The following MSI1 variants were observed in gnomAD, a reference collection of about 807,000 sequenced individuals.
MSI1 encodes musashi RNA binding protein 1.
MSI1 carries 15 observed loss-of-function variants against 54.4 expected under a neutral mutation model. That is an observed-to-expected ratio of 0.28 (90% CI 0.18 to 0.42). MSI1 has a LOEUF of 0.42. Ranked by LOEUF, MSI1 falls within the 20% of genes least tolerant of loss-of-function variation. The pLI is 1.00. For missense variants in MSI1, 304 were observed against 506.0 expected (o/e 0.60, Z 3.83); for synonymous variants, 200 against 196.5 (o/e 1.02, Z -0.15).
rs1020573942 is a variant in MSI1, at chr12:120,368,326, C to A, written c.101-53G>T. ...AGCCCGGGCCCCGCGCCCTTCCCCC[C>A]CCCCCGTCCTTTGCCCCCGGTGACC... On this transcript the variant is annotated intron_variant, in intron 2 of 14. Transcript: ENST00000257552. The surrounding 1 kb of genome is among the most constrained non-coding windows in gnomAD (Gnocchi z 6.6). The A allele has an allele frequency of 2.4e-5, 36 of 1,522,504 alleles. No individual in the cohort carries two copies. The highest frequency in any genetic ancestry group is 3.1e-5 in the Non-Finnish European group (35 of 1,134,036). The allele number at this position is 1,522,504 out of a possible 1,614,324, so 94.3% of individuals were successfully genotyped here.
At chr12:120,347,716 G>C (rs186990830) in intron 11 of MSI1, among the ~76,000 whole-genome samples, 1 of 152,336 alleles carries the variant, frequency 6.6e-6, no homozygotes, top group Non-Finnish European at 1.5e-5. Flanking sequence ...AAAGGTGGGA[G>C]AGAGGACAGC....
In MSI1 at chr12:120,344,852, A is replaced by G. The variant is rs374476270; in HGVS notation, c.*21+718T>C. On this transcript the variant is annotated intron_variant, in intron 14 of 14. Coordinates refer to ENST00000257552, the MANE Select transcript of MSI1 (RefSeq NM_002442.4). ...GCAAAACTCGTCTCTGCTAAAAACA[A>G]AAAAAATACCAAAATTAGCTGGGTG... Among the ~76,000 whole-genome samples the G allele has an allele frequency of 1.6e-4, 24 of 149,876 alleles. No individual in the cohort carries two copies. In the East Asian group the frequency reaches 3.6e-3, roughly 23 times the overall value.
At chr12:120,362,031 C>T (rs1335033948) in intron 6 of MSI1, among the ~76,000 whole-genome samples, 3 of 152,066 alleles carry the variant, frequency 2.0e-5, no homozygotes, top group East Asian at 2.0e-4. Context: ...TTCCCAGGAG[C>T]GCCCTACCCT....
chr12:120,368,172 G>A lies in MSI1; in HGVS notation c.182+20C>T, dbSNP rs1414347647. 6.3e-7 allele frequency: 1 copy of A among 1,580,566 alleles called. No individual in the cohort carries two copies. Among genetic ancestry groups the A allele is most frequent in the Admixed American group, 1.8e-5 (1 of 55,578 alleles). Reference sequence around the variant, plus strand: ...GGAGGGGGGCGAGCCGGGAGCAGGAGGAGGGGGTGAGGGGCTCACCTGGAT... The same window carrying A: ...GGAGGGGGGCGAGCCGGGAGCAGGAAGAGGGGGTGAGGGGCTCACCTGGAT... On this transcript the variant is annotated intron_variant, in intron 3 of 14. Transcript: ENST00000257552. The surrounding 1 kb of genome is among the most constrained non-coding windows in gnomAD (Gnocchi z 6.6).
Position 120,367,921 on chromosome 12 carries a change from C to A in MSI1, c.267+87G>T, listed in dbSNP as rs558545939. 2.6e-5 allele frequency: 35 copies of A among 1,340,918 alleles called. No homozygotes were observed. In the East Asian group the frequency reaches 8.4e-4, roughly 32 times the overall value. The allele number at this position is 1,340,918 out of a possible 1,614,324, so 83.1% of individuals were successfully genotyped here. ...CTCCCTCCTTCCTCATGGACCCCGT[C>A]CAGCTGTCCCCTGGGGAGAGTCCTG... On this transcript the variant is annotated intron_variant, in intron 4 of 14. Transcript: ENST00000257552.
chr12:120,366,620 C>T (rs970586183), intron 4 of MSI1, among the ~76,000 whole-genome samples: 1 of 152,128 alleles, frequency 6.6e-6, no homozygotes, highest in African/African-American at 2.4e-5. Flanking sequence ...TCACAGCTGG[C>T]AACATAAATA....
rs1322474611 is a variant in MSI1 at position 120,368,288 on chromosome 12, C to A, written c.101-15G>T. On this transcript the variant is annotated splice_polypyrimidine_tract_variant and intron_variant, in intron 2 of 14. Transcript: ENST00000257552. This position sits in a 1 kb window ranked among gnomAD's most constrained non-coding sequence, Gnocchi z 6.6. ...GCGCAGCCCTTCTGTAACCACACAC[C>A]CGCCTTCGGACCAGCCCGGGCCCCG... is the stretch of plus-strand genomic sequence containing the variant. 1 of 1,554,472 alleles carries A rather than the reference C, an allele frequency of 6.4e-7. No individual in the cohort carries two copies.
intron 11 of MSI1, among the ~76,000 whole-genome samples, chr12:120,350,549 G>A (rs1166006979): frequency 2.6e-5 from 4 of 152,268 alleles, no homozygotes; most frequent in Admixed American, 2.6e-4. Context: ...CAGGGTCCAT[G>A]CTCACGTCTT....
chr12:120,343,501 A>C (rs1304630159), intron 14 of MSI1, among the ~76,000 whole-genome samples: 2 of 151,796 alleles, frequency 1.3e-5, no homozygotes, highest in Non-Finnish European at 2.9e-5. Flanking sequence ...TGGGATTACG[A>C]ATGTGAGCCA....
downstream of MSI1, among the ~76,000 whole-genome samples, chr12:120,340,886 CTTT>C (rs34926125): frequency 7.5e-5 from 9 of 119,420 alleles, no homozygotes; most frequent in Non-Finnish European, 8.4e-5. Flanking sequence ...TTCTCCTATT[CTTT>C]TTTTTTTTTT....
intron 11 of MSI1, among the ~76,000 whole-genome samples, chr12:120,348,736 AAAC>A (rs1460966107): frequency 6.6e-6 from 1 of 151,770 alleles, no homozygotes; most frequent in Non-Finnish European, 1.5e-5. Context: ...AAAAAACAAA[AAAC>A]AAAATTAGCC....
chr12:120,359,861 C>T (rs761374257), intron 6 of MSI1, among the ~76,000 whole-genome samples: 1 of 152,052 alleles, frequency 6.6e-6, no homozygotes, highest in Non-Finnish European at 1.5e-5. Flanking sequence ...TACTCCAGGC[C>T]CCAACCCTCC....
At chr12:120,347,547 C>T (rs766095687) in intron 11 of MSI1, 33 bp from the exon 12 acceptor site, 49 of 1,613,184 alleles carry the variant, frequency 3.0e-5, no homozygotes, top group African/African-American at 4.0e-5. Context: ...ATCAGCATGG[C>T]GGTGAGGGGC....
intron 14 of MSI1, among the ~76,000 whole-genome samples, chr12:120,344,655 C>T (rs976010050): frequency 3.3e-5 from 5 of 151,910 alleles, no homozygotes; most frequent in African/African-American, 1.2e-4. Context: ...CTGCAGCGAG[C>T]TGTGATTGCA....
At chr12:120,349,122 G>A (rs1276863568) in intron 11 of MSI1, among the ~76,000 whole-genome samples, 2 of 142,260 alleles carry the variant, frequency 1.4e-5, no homozygotes, top group East Asian at 4.2e-4. Context: ...TTGAGACAGA[G>A]TCTAGCTCTG....
At chr12:120,346,676 C>T (rs938486630) in intron 12 of MSI1, among the ~76,000 whole-genome samples, 5 of 152,160 alleles carry the variant, frequency 3.3e-5, no homozygotes, top group Middle Eastern at 3.2e-3. Context: ...TCCCCACTTC[C>T]GCACTTTCCC....
Position 120,343,027 on chromosome 12 carries a change from G to C in MSI1, c.*100C>G, listed in dbSNP as rs1873816396. The C allele has an allele frequency of 6.6e-6, 1 of 152,160 alleles. No individual in the cohort carries two copies. Among genetic ancestry groups the C allele is most frequent in the South Asian group, 2.1e-4 (1 of 4,832 alleles). 9.4% of individuals were successfully genotyped at this position (152,160 alleles called of 1,614,324 possible). On this transcript the variant is annotated 3_prime_UTR_variant, in exon 15 of 15. Coordinates refer to ENST00000257552, the MANE Select transcript of MSI1 (RefSeq NM_002442.4). Reference sequence around the variant, plus strand: ...AGCGGGTCCGAGTCGCTGCAGGGGAGGGGGCGGCGGCTGCGGCTGAGGTCT... The same window carrying C: ...AGCGGGTCCGAGTCGCTGCAGGGGACGGGGCGGCGGCTGCGGCTGAGGTCT...
At chr12:120,347,940 G>A (rs1017978003) in intron 11 of MSI1, among the ~76,000 whole-genome samples, 12 of 152,122 alleles carry the variant, frequency 7.9e-5, no homozygotes, top group South Asian at 2.1e-4. Context: ...CGCAGCCCAC[G>A]ACACCTGGCG....
rs1873676746 is a variant in MSI1, at chr12:120,341,662, A to C, written c.*1465T>G. On this transcript the variant is annotated 3_prime_UTR_variant, in exon 15 of 15. Coordinates refer to ENST00000257552, the MANE Select transcript of MSI1 (RefSeq NM_002442.4). ...TTTATTAGGAAACATTAAAAAAAAA[A>C]AAAACCCAAAACACGAACAGCCGCG... 2 of 152,422 alleles carry C rather than the reference A, an allele frequency of 1.3e-5. No homozygotes were observed. The highest frequency in any genetic ancestry group is 4.1e-4 in the South Asian group (2 of 4,828). The allele number at this position is 152,422 out of a possible 1,614,324, so 9.4% of individuals were successfully genotyped here. A position where few individuals can be genotyped will look rare whatever the true frequency, so the allele number is the denominator to read the frequency against.
Sources: gnomAD v4.1 joint callset for allele counts (sites outside exome capture counted in the v4.1 genomes callset) on GRCh38, gnomAD v4.1.1 for gene constraint, Gnocchi (gnomAD v3.1) non-coding constraint, MANE v1.5 for transcripts, NCBI Gene and HGNC (gene_info 2026-07-23, HGNC 2026-07-21) for gene names.